Variants in ARHGEF7 observed in about 807,000 individuals in gnomAD.
ARHGEF7 encodes the protein PAK-interacting exchange factor beta.
Under a neutral mutation model 109.8 loss-of-function variants are expected in ARHGEF7, and 33 were observed. The ratio of observed to expected loss-of-function variants is 0.30; its 90% CI spans 0.23 to 0.40. The LOEUF (loss-of-function observed/expected upper bound fraction) is 0.40, where lower values mean the gene tolerates loss of function less well. Ranked by LOEUF, ARHGEF7 falls within the 10% of genes least tolerant of loss-of-function variation. The probability of loss-of-function intolerance (pLI) is 1.00; values close to 1 mark genes in which losing one functional copy is unlikely to be tolerated. For synonymous variants in ARHGEF7, 458 were observed against 424.6 expected, an observed-to-expected ratio of 1.08 and a Z score of -0.97; for missense variants, 938 against 1,098.5, an observed-to-expected ratio of 0.85 and a Z score of 2.07.
At chr13:111,270,876 C>T (rs2092085904) in intron 9 of ARHGEF7, among the ~76,000 whole-genome samples, 1 of 152,196 alleles carries the variant, frequency 6.6e-6, no homozygotes, top group Non-Finnish European at 1.5e-5. Context: ...CCTCATGTCA[C>T]TCTATTCATG....
At position 111,221,368 on chromosome 13, in the gene ARHGEF7, T is replaced by C. The variant is rs1357789869; in HGVS notation, c.670+3488T>C. Among the ~76,000 whole-genome samples, 16 of 36,058 alleles carry C rather than the reference T, an allele frequency of 4.4e-4. 3 individuals carry two copies. The highest frequency in any genetic ancestry group is 8.2e-4 in the Non-Finnish European group (14 of 17,096). 23.7% of individuals were successfully genotyped at this position (36,058 alleles called of 152,430 possible). ...ATATATATGTCTATATATATATCTA[T>C]ATATATATCTATATATATAGATGTC... On this transcript the variant is annotated intron_variant, in intron 5 of 21. Coordinates refer to ENST00000646102, the MANE Select transcript of ARHGEF7 (RefSeq NM_001354046.2).
intron 2 of ARHGEF7, among the ~76,000 whole-genome samples, chr13:111,172,370 C>G (rs1256518603): frequency 6.6e-6 from 1 of 151,766 alleles, no homozygotes; most frequent in Non-Finnish European, 1.5e-5. Flanking sequence ...TTTAGAGCAT[C>G]GTCTCTGTGG....
At chr13:111,190,527 A>G (rs1180772381) in intron 2 of ARHGEF7, among the ~76,000 whole-genome samples, 1 of 152,164 alleles carries the variant, frequency 6.6e-6, no homozygotes, top group African/African-American at 2.4e-5. Context: ...AGATTTCGTT[A>G]TTTCTTGCAA....
intron 8 of ARHGEF7, among the ~76,000 whole-genome samples, chr13:111,249,337 C>T (rs574487333): frequency 8.6e-5 from 13 of 151,942 alleles, no homozygotes; most frequent in Admixed American, 2.0e-4. Flanking sequence ...AGGTCTCAAT[C>T]GATAGAGGTT....
chr13:111,294,057 A>G (rs901787374), intron 19 of ARHGEF7: 1 of 985,376 alleles, frequency 1.0e-6, no homozygotes, highest in Non-Finnish European at 1.2e-6. Flanking sequence ...AAGATTTTGT[A>G]TTTTCATACC....
chr13:111,221,383 A>C lies in ARHGEF7; in HGVS notation c.670+3503A>C, dbSNP rs1318744123. 6.8e-4 allele frequency among the ~76,000 whole-genome samples: 24 copies of C among 35,204 alleles called. 7 individuals carry two copies. Among genetic ancestry groups the C allele is most frequent in the African/African-American group, 2.0e-3 (24 of 11,994 alleles). The allele number at this position is 35,204 out of a possible 152,430, so 23.1% of individuals were successfully genotyped here. A position where few individuals can be genotyped will look rare whatever the true frequency, so the allele number is the denominator to read the frequency against. ...TATATATCTATATATATATCTATAT[A>C]TATAGATGTCTATATATCTATATAT... is the stretch of plus-strand genomic sequence containing the variant. On this transcript the variant is annotated intron_variant, in intron 5 of 21. Coordinates refer to ENST00000646102, the MANE Select transcript of ARHGEF7 (RefSeq NM_001354046.2).
intron 2 of ARHGEF7, among the ~76,000 whole-genome samples, chr13:111,156,010 C>T (rs561875394): frequency 6.4e-4 from 95 of 149,292 alleles, no homozygotes; most frequent in African/African-American, 1.9e-3. Context: ...CCTTGAACCC[C>T]GGAGGCAGAG....
chr13:111,299,726 C>A, intron 19 of ARHGEF7, among the ~76,000 whole-genome samples: 1 of 152,092 alleles, frequency 6.6e-6, no homozygotes, highest in East Asian at 1.9e-4. Context: ...ACAGCAAGTG[C>A]CTTTCTTATG....
chr13:111,142,314 G>C (rs1488433806), intron 1 of ARHGEF7, among the ~76,000 whole-genome samples: 1 of 26,458 alleles, frequency 3.8e-5, no homozygotes, highest in African/African-American at 1.4e-4. Flanking sequence ...AAATGGGGAG[G>C]TTTTAATGGT....
At chr13:111,164,753 T>C (rs2076995809) in intron 2 of ARHGEF7, among the ~76,000 whole-genome samples, 1 of 152,226 alleles carries the variant, frequency 6.6e-6, no homozygotes, top group East Asian at 1.9e-4. Flanking sequence ...ACCATTTTCC[T>C]CACACGATTG....
At chr13:111,163,531 G>A (rs957259054) in intron 2 of ARHGEF7, among the ~76,000 whole-genome samples, 1 of 152,062 alleles carries the variant, frequency 6.6e-6, no homozygotes, top group Non-Finnish European at 1.5e-5. Flanking sequence ...GTGAAGCAAA[G>A]TTAATTTTAG....
chr13:111,152,256 T>C (rs1391283277), intron 1 of ARHGEF7, among the ~76,000 whole-genome samples: 1 of 152,232 alleles, frequency 6.6e-6, no homozygotes, highest in African/African-American at 2.4e-5. Context: ...TTAGATTCTA[T>C]TGGATATATT....
chr13:111,153,921 G>A lies in ARHGEF7; in HGVS notation c.182G>A (p.Arg61Gln). The change falls in exon 2 of 22, where the codon CGG becomes CAG. Residue 61 changes from arginine (R) to glutamine (Q), a missense_variant. Physicochemically the swap from Arg to Gln is conservative, Grantham distance 43 (BLOSUM62 1). Coordinates refer to ENST00000646102, the MANE Select transcript of ARHGEF7 (RefSeq NM_001354046.2). Reference sequence around the variant, plus strand: ...GTATTGCAGGTCTACCCCGAGCCCCGGAGCGAGAGCGAGTGCCTGAGCAAC... The same window carrying A: ...GTATTGCAGGTCTACCCCGAGCCCCAGAGCGAGAGCGAGTGCCTGAGCAAC... ...GTIEKVYPEP[R>Q]SESECLSNIR... The A allele has an allele frequency of 6.2e-7, 1 of 1,605,222 alleles. No individual in the cohort carries two copies. The highest frequency in any genetic ancestry group is 8.5e-7 in the Non-Finnish European group (1 of 1,177,194).
intron 2 of ARHGEF7, among the ~76,000 whole-genome samples, chr13:111,199,699 G>A (rs1424972131): frequency 2.6e-5 from 4 of 152,196 alleles, no homozygotes; most frequent in Non-Finnish European, 2.9e-5. Context: ...TGGAGGCATG[G>A]CAAAAATTAA....
chr13:111,120,640 A>G (rs2067138019), intron 1 of ARHGEF7, among the ~76,000 whole-genome samples: 1 of 152,208 alleles, frequency 6.6e-6, no homozygotes, highest in Non-Finnish European at 1.5e-5. Flanking sequence ...AAAGGATGCC[A>G]TCTCAGGACC....
intron 2 of ARHGEF7, among the ~76,000 whole-genome samples, chr13:111,160,149 G>A (rs1212654405): frequency 6.6e-6 from 1 of 152,112 alleles, no homozygotes; most frequent in Non-Finnish European, 1.5e-5. Flanking sequence ...TTTGTCAAAG[G>A]TCTATTGACT....
Position 111,145,991 on chromosome 13 carries a change from T to G in ARHGEF7, c.166-7914T>G, listed in dbSNP as rs2075571928. Among the ~76,000 whole-genome samples the G allele has an allele frequency of 6.6e-6, 1 of 152,212 alleles. No homozygotes were observed. The highest frequency in any genetic ancestry group is 1.5e-5 in the Non-Finnish European group (1 of 68,034). On this transcript the variant is annotated intron_variant, in intron 1 of 21. Transcript: ENST00000646102. This position sits in a 1 kb window ranked among gnomAD's most constrained non-coding sequence, Gnocchi z 4.3. ...GGTCATTTAGTGCACAGTTGCTGAC[T>G]GTTTAACATGAGACATCGGTGGGCC...
intron 8 of ARHGEF7, among the ~76,000 whole-genome samples, chr13:111,259,895 C>T (rs1300304783): frequency 6.6e-6 from 1 of 152,036 alleles, no homozygotes; most frequent in Non-Finnish European, 1.5e-5. Flanking sequence ...AAATCAGAAT[C>T]CTATCAGATA....
At chr13:111,199,431 C>T (rs2080954778) in intron 2 of ARHGEF7, among the ~76,000 whole-genome samples, 5 of 152,320 alleles carry the variant, frequency 3.3e-5, no homozygotes, top group Middle Eastern at 3.4e-3. Flanking sequence ...TGCTAGTAGT[C>T]GTCCTCTGGT....
Sources: gnomAD v4.1 joint callset for allele counts (sites outside exome capture counted in the v4.1 genomes callset) on GRCh38, gnomAD v4.1.1 for gene constraint, Gnocchi (gnomAD v3.1) non-coding constraint, MANE v1.5 for transcripts, NCBI Gene and HGNC (gene_info 2026-07-23, HGNC 2026-07-21) for gene names.